PTCH1: variants seen among roughly 807,000 people sequenced by gnomAD.
PTCH1 encodes patched 1.
In PTCH1, 14 loss-of-function variants were observed where a neutral mutation model predicts 144.6. The observed-to-expected ratio is 0.10, with a 90% CI of 0.06 to 0.15. The LOEUF (loss-of-function observed/expected upper bound fraction) is 0.15. Ranked by LOEUF, PTCH1 falls within the 10% of genes least tolerant of loss-of-function variation. PTCH1 has a pLI of 1.00. For synonymous variants in PTCH1, 833 were observed against 793.6 expected, an observed-to-expected ratio of 1.05 and a Z score of -0.83; for missense variants, 1,623 against 1,948.3, an observed-to-expected ratio of 0.83 and a Z score of 3.14.
In PTCH1 at chr9:95,447,438, T is replaced by G. The variant is rs781188583; in HGVS notation, c.3818A>C (p.Glu1273Ala). The change falls in exon 23 of 24, where the codon GAA becomes GCA. Residue 1273 changes from glutamate (E) to alanine (A), a missense_variant. Physicochemically the swap from Glu to Ala is moderately radical, Grantham distance 107 (BLOSUM62 -1). Around this residue, in one of 7 missense-constraint regions of PTCH1, gnomAD observed 291 missense variants for 287.4 expected, o/e 1.01. Coordinates refer to ENST00000331920, the MANE Select transcript of PTCH1 (RefSeq NM_000264.5). ...VFAHSTVVHP[E>A]SRHHPPSNPR... is the part of the protein sequence containing the mutation. ...GTTCGAGGGTGGGTGATGCCTGGAT[T>G]CGGGATGGACCACCTGCAGAGGGTG... 8.2e-6 allele frequency: 13 copies of G among 1,590,572 alleles called. No individual in the cohort carries two copies. Among genetic ancestry groups the G allele is most frequent in the Non-Finnish European group, 1.0e-5 (12 of 1,170,488 alleles).
rs1554688070 is a variant in PTCH1 at position 95,446,960 on chromosome 9, C to T, written c.4296G>A (p.Leu1432=). 6 of 1,614,204 alleles carry T rather than the reference C, an allele frequency of 3.7e-6. No individual in the cohort carries two copies. The highest frequency in any genetic ancestry group is 1.3e-5 in the African/African-American group (1 of 75,054). The change falls in exon 23 of 24, where the codon CTG becomes CTA. Residue 1432 remains leucine, a synonymous_variant. Transcript: ENST00000331920. ...GCCTCTCCTCGCATTCCACGTCCTG[C>T]AGCTCAATGACTTCCACCTTCGAAT... ...RRDSKVEVIE[L]QDVECEERPR...
At chr9:95,513,894 T>A (rs1244497178), upstream of PTCH1, among the ~76,000 whole-genome samples, 1 of 152,030 alleles carries the variant, frequency 6.6e-6, no homozygotes, top group Non-Finnish European at 1.5e-5. Context: ...TTACCCCTGA[T>A]CTCCTTTAAT....
intron 5 of PTCH1, among the ~76,000 whole-genome samples, chr9:95,481,654 TAA>T (rs1265512682): frequency 3.3e-5 from 5 of 152,240 alleles, no homozygotes; most frequent in Non-Finnish European, 7.3e-5. Flanking sequence ...ACGAACATTT[TAA>T]AGAGTTAAAA....
In PTCH1 at chr9:95,479,670, G is replaced by A. The variant is rs55773343; in HGVS notation, c.1067+299C>T. ...CAACTCTCTCTGACCAGTGTGTCCCGGCCTACTTTACACCTGCTCCCATTC... is the reference window on the plus strand; with the variant it reads ...CAACTCTCTCTGACCAGTGTGTCCCAGCCTACTTTACACCTGCTCCCATTC... On this transcript the variant is annotated intron_variant, in intron 7 of 23. Coordinates refer to ENST00000331920, the MANE Select transcript of PTCH1 (RefSeq NM_000264.5). Among the ~76,000 whole-genome samples the A allele has an allele frequency of 6.9e-3, 1,057 of 152,150 alleles. 11 individuals carry two copies. The highest frequency in any genetic ancestry group is 0.023 in the African/African-American group (947 of 41,516).
intron 2 of PTCH1, among the ~76,000 whole-genome samples, chr9:95,488,834 G>A (rs1331793229): frequency 6.6e-6 from 1 of 152,226 alleles, no homozygotes; most frequent in Non-Finnish European, 1.5e-5. Flanking sequence ...TGGGATAGCA[G>A]GGAAGACCTA....
rs1219958118 is a variant in PTCH1, at chr9:95,476,555, G to T, written c.1602+204C>A. The stretch of plus-strand genomic sequence containing the variant: ...CACCCGTATTCCTAAAGGCACCCGA[G>T]ATGCAGCTCTTGGGACTTCTCATAG... On this transcript the variant is annotated intron_variant, in intron 11 of 23. Coordinates refer to ENST00000331920, the MANE Select transcript of PTCH1 (RefSeq NM_000264.5). This position sits in a 1 kb window ranked among gnomAD's most constrained non-coding sequence, Gnocchi z 4.6. Among the ~76,000 whole-genome samples the T allele has an allele frequency of 6.6e-6, 1 of 152,172 alleles. No individual in the cohort carries two copies. The highest frequency in any genetic ancestry group is 1.5e-5 in the Non-Finnish European group (1 of 68,038).
intron 20 of PTCH1, chr9:95,452,574 C>T (rs959082960): frequency 1.3e-5 from 2 of 152,196 alleles, no homozygotes; most frequent in African/African-American, 4.8e-5. Context: ...TTCTCAAATT[C>T]TTTTCAAAAG....
chr9:95,507,880 A>T, intron 1 of PTCH1: 2 of 1,247,444 alleles, frequency 1.6e-6, no homozygotes, highest in Non-Finnish European at 2.1e-6. Context: ...GCTCCGGAAA[A>T]GGCACACCAG....
intron 2 of PTCH1, among the ~76,000 whole-genome samples, chr9:95,491,864 A>G (rs1356907439): frequency 1.3e-5 from 2 of 152,232 alleles, no homozygotes; most frequent in African/African-American, 2.4e-5. Flanking sequence ...GCTCACAACC[A>G]TGAAGATGAC....
upstream of PTCH1, among the ~76,000 whole-genome samples, chr9:95,511,823 T>C (rs561443770): frequency 2.6e-5 from 4 of 152,354 alleles, no homozygotes; most frequent in East Asian, 1.9e-4. Context: ...CTTCTGGAAA[T>C]TGCTTTTTAA....
intron 1 of PTCH1, chr9:95,507,089 G>A (rs1843730662): frequency 2.0e-6 from 2 of 986,034 alleles, no homozygotes; most frequent in Non-Finnish European, 2.4e-6. Context: ...TCCCCCAACT[G>A]GACCCCCGCC....
intron 15 of PTCH1, among the ~76,000 whole-genome samples, chr9:95,464,054 A>G (rs1325049218): frequency 6.6e-6 from 1 of 152,238 alleles, no homozygotes; most frequent in South Asian, 2.1e-4. Context: ...GAAAGATCCT[A>G]TCTGGGGAGG....
At chr9:95,500,141 G>A (rs902099767) in intron 2 of PTCH1, among the ~76,000 whole-genome samples, 1 of 152,146 alleles carries the variant, frequency 6.6e-6, no homozygotes, top group East Asian at 1.9e-4. Flanking sequence ...ACACGGATCA[G>A]GCTGTTCATA....
chr9:95,502,100 G>T (rs1005646461), intron 2 of PTCH1, among the ~76,000 whole-genome samples: 3 of 152,172 alleles, frequency 2.0e-5, no homozygotes, highest in Admixed American at 1.3e-4. Flanking sequence ...AAGGGAGGCT[G>T]CCCTCCAGGA....
chr9:95,491,106 A>G (rs1306324803), intron 2 of PTCH1, among the ~76,000 whole-genome samples: 1 of 152,192 alleles, frequency 6.6e-6, no homozygotes. Flanking sequence ...TCTGAACAAG[A>G]CTCAAGAAAA....
chr9:95,514,849 T>G (rs2118949583), intron 1 of PTCH1, among the ~76,000 whole-genome samples: 1 of 152,346 alleles, frequency 6.6e-6, no homozygotes, highest in South Asian at 2.1e-4. Flanking sequence ...AGAAATTAGA[T>G]ACACCACTCA....
rs1466845678 is a variant in PTCH1, at chr9:95,469,009, G to T, written c.1992C>A (p.Leu664=). ...TQITMQSTVQ[L]RTEYDPHTHV... Reference sequence around the variant, plus strand: ...GCGTGTGGGGGTCGTACTCCGTGCGGAGCTGGACAGTGGACTGCATGGTAA... The same window carrying T: ...GCGTGTGGGGGTCGTACTCCGTGCGTAGCTGGACAGTGGACTGCATGGTAA... Residue 664 remains leucine, a synonymous_variant, in exon 14 of 24, where the codon CTC becomes CTA. Coordinates refer to ENST00000331920, the MANE Select transcript of PTCH1 (RefSeq NM_000264.5). 2.5e-6 allele frequency: 4 copies of T among 1,613,954 alleles called. No individual in the cohort carries two copies. Among genetic ancestry groups the T allele is most frequent in the African/African-American group, 1.3e-5 (1 of 74,896 alleles).
At position 95,479,996 on chromosome 9, in the gene PTCH1, A is replaced by G. The variant is rs1588608384; in HGVS notation, c.1040T>C (p.Val347Ala). 6.2e-7 allele frequency: 1 copy of G among 1,614,060 alleles called. No individual in the cohort carries two copies. Among genetic ancestry groups the G allele is most frequent in the Non-Finnish European group, 8.5e-7 (1 of 1,180,028 alleles). ...GACGAGTTTTCCAGTGCTGTTCTTGACTGTGCCACCCACAATCAACTCCTC... is the reference window on the plus strand; with the variant it reads ...GACGAGTTTTCCAGTGCTGTTCTTGGCTGTGCCACCCACAATCAACTCCTC... ...WQEELIVGGT[V>A]KNSTGKLVSA... Residue 347 changes from valine (V) to alanine (A), a missense_variant, in exon 7 of 24, where the codon GTC (valine) becomes GCC (alanine). By Grantham distance (64) the Val-to-Ala change is moderately conservative (BLOSUM62 0). Coordinates refer to ENST00000331920, the MANE Select transcript of PTCH1 (RefSeq NM_000264.5).
intron 7 of PTCH1, chr9:95,479,766 A>G (rs1841377920): frequency 1.3e-6 from 1 of 764,790 alleles, no homozygotes; most frequent in East Asian, 2.7e-5. Context: ...CTACAAATCC[A>G]TTCTTGAAAA....
Sources: gnomAD v4.1 joint callset for allele counts (sites outside exome capture counted in the v4.1 genomes callset) on GRCh38, gnomAD v4.1.1 for gene constraint, gnomAD v4.1.1 regional missense constraint, Gnocchi (gnomAD v3.1) non-coding constraint, MANE v1.5 for transcripts, NCBI Gene and HGNC (gene_info 2026-07-23, HGNC 2026-07-21) for gene names.